ABCA5: variants seen among roughly 807,000 people sequenced by gnomAD.
ABCA5 encodes cholesterol transporter ABCA5.
A neutral mutation model predicts 206.0 loss-of-function variants in ABCA5; 163 were observed. The ratio of observed to expected loss-of-function variants is 0.79; its 90% confidence interval spans 0.70 to 0.90. ABCA5 has a LOEUF of 0.90. Ranked by LOEUF, ABCA5 falls within the 40% of genes least tolerant of loss-of-function variation. ABCA5 has a pLI of 0.00. For synonymous variants in ABCA5, 609 were observed against 613.8 expected (o/e 0.99, Z 0.11); for missense variants, 1,859 against 1,912.9 (o/e 0.97, Z 0.53).
chr17:69,261,466 C>T (rs919032781), intron 25 of ABCA5, among the ~76,000 whole-genome samples, 169 bp downstream of exon 25: 2 of 151,944 alleles, frequency 1.3e-5, no homozygotes, highest in Non-Finnish European at 2.9e-5. Context: ...ATTGTTCCTA[C>T]GTGGAAAGGA....
At chr17:69,248,360 A>G in intron 37 of ABCA5, 43 bp from the exon 38 acceptor site, 1 of 1,209,288 alleles carries the variant, frequency 8.3e-7, no homozygotes, top group African/African-American at 1.5e-5. Context: ...CAATATCTGA[A>G]AAAAATGGCA....
intron 16 of ABCA5, 55 bp downstream of exon 16, chr17:69,286,166 A>G (rs993584782): frequency 1.9e-5 from 30 of 1,558,250 alleles, no homozygotes; most frequent in African/African-American, 5.5e-5. Flanking sequence ...CTCCAACATA[A>G]TAACAGTATA....
At chr17:69,312,573 T>C (rs2145038544) in intron 3 of ABCA5, among the ~76,000 whole-genome samples, 1 of 152,296 alleles carries the variant, frequency 6.6e-6, no homozygotes, top group South Asian at 2.1e-4. Context: ...TAGCTTCCTT[T>C]TTAAATTTTT....
chr17:69,304,742 G>A lies in ABCA5; in HGVS notation c.857C>T (p.Thr286Ile), dbSNP rs1280211376. The A allele has an allele frequency of 6.2e-7, 1 of 1,609,762 alleles. No homozygotes were observed. The highest frequency in any genetic ancestry group is 8.5e-7 in the Non-Finnish European group (1 of 1,177,674). The part of the protein sequence containing the change: ...LMSLLMAVIA[T>I]ASLLFPQSSS... Reference sequence around the variant, plus strand: ...ACTTTGAGGAAATAACAAAGAAGCTGTCGCAATGACTGCCATAAGAAGGGA... The same window carrying A: ...ACTTTGAGGAAATAACAAAGAAGCTATCGCAATGACTGCCATAAGAAGGGA... Residue 286 changes from threonine to isoleucine, a missense_variant, in exon 7 of 39, where the codon ACA becomes ATA. Coordinates refer to ENST00000392676, the MANE Select transcript of ABCA5 (RefSeq NM_172232.4).
At chr17:69,254,749 C>G (rs950664972) in intron 31 of ABCA5, among the ~76,000 whole-genome samples, 1 of 152,022 alleles carries the variant, frequency 6.6e-6, no homozygotes, top group Non-Finnish European at 1.5e-5. Context: ...GTCTTGAATT[C>G]CTGAGCTCAA....
intron 28 of ABCA5, among the ~76,000 whole-genome samples, chr17:69,259,474 A>AT (rs2075121297): frequency 6.6e-6 from 1 of 151,964 alleles, no homozygotes. Context: ...GCATATTTCC[A>AT]TTGTCCAGTT....
rs773113435 is a variant in ABCA5 at position 69,313,316 on chromosome 17, G to A, written c.103-20C>T. The A allele has an allele frequency of 4.2e-6, 5 of 1,184,184 alleles. No homozygotes were observed. Among genetic ancestry groups the A allele is most frequent in the Non-Finnish European group, 5.9e-6 (5 of 846,068 alleles). 73.4% of individuals were successfully genotyped at this position (1,184,184 alleles called of 1,614,324 possible). A position where few individuals can be genotyped will look rare whatever the true frequency, so the allele number is the denominator to read the frequency against. On this transcript the variant is annotated intron_variant, in intron 2 of 38. Coordinates refer to ENST00000392676, the MANE Select transcript of ABCA5 (RefSeq NM_172232.4). ...AATTTCCTACAATAAAAGAAACAAA[G>A]TAATTACAAAGTATAACAATGGCAG...
intron 19 of ABCA5, among the ~76,000 whole-genome samples, chr17:69,276,316 T>C (rs1056611816): frequency 1.3e-4 from 20 of 152,284 alleles, no homozygotes; most frequent in African/African-American, 4.6e-4. Flanking sequence ...CTTGATCTCC[T>C]GACCTTGTGA....
chr17:69,278,801 C>T (rs550754281), intron 18 of ABCA5, among the ~76,000 whole-genome samples: 176 of 152,060 alleles, frequency 1.2e-3, no homozygotes, highest in African/African-American at 3.5e-3. Flanking sequence ...ATTATCTCAA[C>T]AGATGCAGAA....
At chr17:69,251,978 T>C in intron 34 of ABCA5, 112 bp from the exon 35 acceptor site, 4 of 1,102,112 alleles carry the variant, frequency 3.6e-6, no homozygotes, top group Non-Finnish European at 5.2e-6. Context: ...ACTTACCAAA[T>C]ATCAATTGCT....
chr17:69,289,188 C>A lies in ABCA5; in HGVS notation c.1891G>T (p.Gly631Trp), dbSNP rs764434899. The A allele has an allele frequency of 6.2e-7, 1 of 1,601,040 alleles. No individual in the cohort carries two copies. The highest frequency in any genetic ancestry group is 8.5e-7 in the Non-Finnish European group (1 of 1,175,988). The change falls in exon 14 of 39, where the codon GGG (glycine) becomes TGG (tryptophan). Residue 631 changes from glycine to tryptophan, a missense_variant. Coordinates refer to ENST00000392676, the MANE Select transcript of ABCA5 (RefSeq NM_172232.4). ...TAATATTTATTTACCTTTGGGTTCC[C>A]AAGAACAGCAATTCCTAATGACAGC... Reference protein sequence around the residue: ...RKLSLGIAVLGNPKILLLDEP... With the variant: ...RKLSLGIAVLWNPKILLLDEP...
At chr17:69,306,434 T>C (rs2075717530) in intron 6 of ABCA5, among the ~76,000 whole-genome samples, 1 of 152,094 alleles carries the variant, frequency 6.6e-6, no homozygotes, top group Non-Finnish European at 1.5e-5. Context: ...TATATTGAAA[T>C]ACACTGAAAT....
chr17:69,258,320 C>T (rs964195693), intron 28 of ABCA5, among the ~76,000 whole-genome samples: 1 of 152,110 alleles, frequency 6.6e-6, no homozygotes, highest in African/African-American at 2.4e-5. Context: ...TACATATACA[C>T]CATGGAATAC....
Position 69,293,340 on chromosome 17 carries a change from T to C in ABCA5, c.1495+1315A>G, listed in dbSNP as rs143465606. ...GTTGCCATCTTGGGTCCAAAATTCA[T>C]AGGCTGACAGGCTGGAAACTCACGC... On this transcript the variant is annotated intron_variant, in intron 11 of 38. Transcript: ENST00000392676. Among the ~76,000 whole-genome samples the C allele has an allele frequency of 2.3e-3, 354 of 152,198 alleles. 4 individuals are homozygous for C. Among genetic ancestry groups the C allele is most frequent in the Non-Finnish European group, 3.5e-3 (239 of 68,016 alleles).
intron 31 of ABCA5, among the ~76,000 whole-genome samples, chr17:69,255,108 G>T (rs1258941359): frequency 6.6e-6 from 1 of 152,138 alleles, no homozygotes; most frequent in Non-Finnish European, 1.5e-5. Flanking sequence ...CAATGAGTTA[G>T]TGTGGCTGGC....
intron 12 of ABCA5, among the ~76,000 whole-genome samples, chr17:69,290,392 C>G (rs772703654): frequency 6.6e-6 from 1 of 152,104 alleles, no homozygotes; most frequent in Non-Finnish European, 1.5e-5. Context: ...TTTATCCTAA[C>G]TAGCTGTGTG....
rs550700682 is a variant in ABCA5 at position 69,304,455 on chromosome 17, C to G, written c.930+214G>C. The stretch of plus-strand genomic sequence containing the variant: ...GTTGTATGTGAAATACATCATATGA[C>G]AAAAGCTAAATCTAAATCTAAAACT... On this transcript the variant is annotated intron_variant, in intron 7 of 38. Coordinates refer to ENST00000392676, the MANE Select transcript of ABCA5 (RefSeq NM_172232.4). The G allele has an allele frequency of 6.2e-4, 234 of 378,260 alleles. 2 individuals are homozygous for G. Among genetic ancestry groups the G allele is most frequent in the South Asian group, 3.5e-3 (58 of 16,368 alleles). 23.4% of individuals were successfully genotyped at this position (378,260 alleles called of 1,614,324 possible).
chr17:69,304,167 G>T (rs1188711921), intron 7 of ABCA5: 1 of 151,990 alleles, frequency 6.6e-6, no homozygotes, highest in African/African-American at 2.4e-5. Flanking sequence ...CTGATACAGG[G>T]TGGGCACATA....
chr17:69,249,868 A>G (rs373681847), intron 37 of ABCA5, 37 bp downstream of exon 37: 1 of 1,542,994 alleles, frequency 6.5e-7, no homozygotes, highest in African/African-American at 1.4e-5. Context: ...CATCTTCCTT[A>G]GGAATTTTAT....
Sources: gnomAD v4.1 joint callset for allele counts (sites outside exome capture counted in the v4.1 genomes callset) on GRCh38, gnomAD v4.1.1 for gene constraint, MANE v1.5 for transcripts, NCBI Gene and HGNC (gene_info 2026-07-23, HGNC 2026-07-21) for gene names.